Variants in ETV1 observed in about 807,000 individuals in gnomAD.
The protein encoded by ETV1 is ETS variant transcription factor 1, also known as ETS translocation variant 1.
Under a neutral mutation model 62.3 loss-of-function variants are expected in ETV1, and 27 were observed. The ratio of observed to expected loss-of-function variants is 0.43; its 90% CI spans 0.32 to 0.60. The LOEUF is 0.60. Ranked by LOEUF, ETV1 falls within the 20% of genes least tolerant of loss-of-function variation. ETV1 has a pLI of 0.06. For synonymous variants in ETV1, 222 were observed against 199.6 expected (o/e 1.11, Z -0.94); for missense variants, 605 against 605.8 (o/e 1.00, Z 0.01).
intron 6 of ETV1, among the ~76,000 whole-genome samples, chr7:13,961,144 T>C (rs1265693929): frequency 7.2e-6 from 1 of 139,280 alleles, no homozygotes; most frequent in Admixed American, 6.8e-5. Flanking sequence ...AGACCTCATC[T>C]CAAAAAAAAA....
chr7:13,977,556 G>T, intron 5 of ETV1, 76 bp from the exon 6 acceptor site: 2 of 979,974 alleles, frequency 2.0e-6, no homozygotes, highest in Non-Finnish European at 3.1e-6. Flanking sequence ...AGTAAAATCT[G>T]TCAAGTAAGA....
intron 7 of ETV1, among the ~76,000 whole-genome samples, chr7:13,936,189 G>T (rs983317141): frequency 5.3e-5 from 8 of 152,132 alleles, no homozygotes; most frequent in African/African-American, 1.7e-4. Context: ...CAAAAAAGCA[G>T]TGGTATTTTT....
chr7:13,927,421 C>T (rs1221784715), intron 9 of ETV1, among the ~76,000 whole-genome samples: 1 of 152,162 alleles, frequency 6.6e-6, no homozygotes, highest in Non-Finnish European at 1.5e-5. Context: ...CACTGCACTC[C>T]AGCCTGGGCG....
At chr7:13,969,302 TAAG>T (rs906125482) in intron 6 of ETV1, among the ~76,000 whole-genome samples, 5 of 152,000 alleles carry the variant, frequency 3.3e-5, no homozygotes, top group African/African-American at 1.2e-4. Context: ...GATGATAAAA[TAAG>T]AATATATTTA....
intron 10 of ETV1, 54 bp downstream of exon 10, chr7:13,911,185 T>A: frequency 8.6e-7 from 1 of 1,162,736 alleles, no homozygotes; most frequent in South Asian, 1.3e-5. Flanking sequence ...ATATTTGGGA[T>A]GTCTGATTAT....
chr7:13,892,999 C>T lies in ETV1; in HGVS notation c.*2867G>A, dbSNP rs935494938. ...TACGGGAAACTAGACCTCCAAGATC[C>T]GCCCATGATTTGAGAAAAATGTTCT... On this transcript the variant is annotated 3_prime_UTR_variant, in exon 14 of 14. Coordinates refer to ENST00000430479, the MANE Select transcript of ETV1 (RefSeq NM_004956.5). 2.1e-5 allele frequency: 5 copies of T among 232,568 alleles called. No individual in the cohort carries two copies. The highest frequency in any genetic ancestry group is 3.4e-5 in the Non-Finnish European group (4 of 117,750). 14.4% of individuals were successfully genotyped at this position (232,568 alleles called of 1,614,324 possible). A position where few individuals can be genotyped will look rare whatever the true frequency, so the allele number is the denominator to read the frequency against.
chr7:13,981,441 C>T (rs1242749764), intron 5 of ETV1, among the ~76,000 whole-genome samples: 2 of 152,042 alleles, frequency 1.3e-5, no homozygotes. Flanking sequence ...AATTTTATTG[C>T]TCTGTCTCAG....
chr7:13,940,683 G>T (rs1214408544), intron 6 of ETV1, among the ~76,000 whole-genome samples: 1 of 152,134 alleles, frequency 6.6e-6, no homozygotes, highest in African/African-American at 2.4e-5. Flanking sequence ...GATATGACAA[G>T]AGGAATTTTG....
At chr7:13,931,976 A>T (rs1328939242) in intron 8 of ETV1, among the ~76,000 whole-genome samples, 1 of 152,066 alleles carries the variant, frequency 6.6e-6, no homozygotes, top group Non-Finnish European at 1.5e-5. Flanking sequence ...CTGTTGCAGT[A>T]TATGAGTTAA....
At chr7:13,939,076 TAAG>T in intron 7 of ETV1, 38 bp downstream of exon 7, 3 of 1,577,420 alleles carry the variant, frequency 1.9e-6, no homozygotes, top group Non-Finnish European at 2.6e-6. Flanking sequence ...TTTGATTCAA[TAAG>T]AACCACTATC....
Position 13,955,519 on chromosome 7 carries a change from G to C in ETV1, c.236-16273C>G, listed in dbSNP as rs1040805931. On this transcript the variant is annotated intron_variant, in intron 6 of 13. Transcript: ENST00000430479. The stretch of plus-strand genomic sequence containing the variant: ...CTCTGCTGACACAAACCCAGCCATT[G>C]CCAATACAACAAGAAGCAAACAAGC... 3.9e-5 allele frequency among the ~76,000 whole-genome samples: 6 copies of C among 152,210 alleles called. No individual in the cohort carries two copies. In the East Asian group the frequency reaches 1.2e-3, roughly 29 times the overall value.
At chr7:13,956,534 C>G (rs1215450716) in intron 6 of ETV1, among the ~76,000 whole-genome samples, 3 of 152,140 alleles carry the variant, frequency 2.0e-5, no homozygotes, top group African/African-American at 7.2e-5. Flanking sequence ...ATATTTTTTA[C>G]TTTGACTTGC....
chr7:13,936,967 G>A (rs999327986), intron 7 of ETV1, among the ~76,000 whole-genome samples: 10 of 152,090 alleles, frequency 6.6e-5, no homozygotes, highest in East Asian at 1.9e-4. Flanking sequence ...GCTTGAACTC[G>A]GGAGGCAGAG....
At chr7:13,973,171 CAGTAT>C (rs1447099451) in intron 6 of ETV1, among the ~76,000 whole-genome samples, 1 of 152,118 alleles carries the variant, frequency 6.6e-6, no homozygotes, top group Non-Finnish European at 1.5e-5. Context: ...TTCTATAATC[CAGTAT>C]TGAGCAAAAT....
intron 6 of ETV1, among the ~76,000 whole-genome samples, chr7:13,973,106 T>G (rs1317779715): frequency 6.6e-6 from 1 of 152,226 alleles, no homozygotes; most frequent in African/African-American, 2.4e-5. Context: ...AATTTTTGGA[T>G]GCTCTGATCT....
rs373878529 is a variant in ETV1, at chr7:13,892,562, C to T, written c.*3304G>A. The T allele has an allele frequency of 1.0e-4, 24 of 232,744 alleles. No homozygotes were observed. Among genetic ancestry groups the T allele is most frequent in the African/African-American group, 5.3e-4 (24 of 45,414 alleles). The allele number at this position is 232,744 out of a possible 1,614,324, so 14.4% of individuals were successfully genotyped here. A position where few individuals can be genotyped will look rare whatever the true frequency, so the allele number is the denominator to read the frequency against. On this transcript the variant is annotated 3_prime_UTR_variant, in exon 14 of 14. Transcript: ENST00000430479. ...TCTGAATAACAGCCCTGCCCTCACCCCTTACATCCATGTCCTAATCCCTGG... is the reference window on the plus strand; with the variant it reads ...TCTGAATAACAGCCCTGCCCTCACCTCTTACATCCATGTCCTAATCCCTGG...
chr7:13,927,467 A>C (rs1785564700), intron 9 of ETV1, among the ~76,000 whole-genome samples: 1 of 152,186 alleles, frequency 6.6e-6, no homozygotes, highest in African/African-American at 2.4e-5. Context: ...ACAAATACAA[A>C]TAAACAAAAT....
chr7:13,894,047 G>C lies in ETV1; in HGVS notation c.*1819C>G, dbSNP rs543378186. 4.3e-6 allele frequency: 1 copy of C among 232,902 alleles called. No individual in the cohort carries two copies. The highest frequency in any genetic ancestry group is 1.8e-4 in the South Asian group (1 of 5,524). 14.4% of individuals were successfully genotyped at this position (232,902 alleles called of 1,614,324 possible). A position where few individuals can be genotyped will look rare whatever the true frequency, so the allele number is the denominator to read the frequency against. On this transcript the variant is annotated 3_prime_UTR_variant, in exon 14 of 14. Coordinates refer to ENST00000430479, the MANE Select transcript of ETV1 (RefSeq NM_004956.5). ...CACTTAGAGAAATGAGCTGTGATCTGTGTAGTTTTGGAAAATGGGTAGCTG... is the reference window on the plus strand; with the variant it reads ...CACTTAGAGAAATGAGCTGTGATCTCTGTAGTTTTGGAAAATGGGTAGCTG...
intron 6 of ETV1, among the ~76,000 whole-genome samples, chr7:13,964,650 T>C (rs1790571802): frequency 6.6e-6 from 1 of 152,052 alleles, no homozygotes; most frequent in South Asian, 2.1e-4. Context: ...TTTGTGCTAG[T>C]GATGTAGCAG....
Sources: gnomAD v4.1 joint callset for allele counts (sites outside exome capture counted in the v4.1 genomes callset) on GRCh38, gnomAD v4.1.1 for gene constraint, MANE v1.5 for transcripts, NCBI Gene and HGNC (gene_info 2026-07-23, HGNC 2026-07-21) for gene names.